CDC42BPA: variants seen among roughly 807,000 people sequenced by gnomAD.
CDC42BPA encodes the protein CDC42 binding protein kinase alpha, also known as serine/threonine-protein kinase MRCK alpha.
Under a neutral mutation model 223.5 loss-of-function variants are expected in CDC42BPA, and 80 were observed. The ratio of observed to expected loss-of-function variants is 0.36; its 90% CI spans 0.30 to 0.43. The LOEUF is 0.43. Ranked by LOEUF, CDC42BPA falls within the 20% of genes least tolerant of loss-of-function variation. The probability of loss-of-function intolerance (pLI) is 1.00; values close to 1 mark genes in which losing one functional copy is unlikely to be tolerated. For missense variants in CDC42BPA, 1,743 were observed against 2,099.9 expected, an observed-to-expected ratio of 0.83 and a Z score of 3.32; for synonymous variants, 694 against 718.6, an observed-to-expected ratio of 0.97 and a Z score of 0.55.
chr1:227,310,202 T>A (rs985970197), intron 1 of CDC42BPA, among the ~76,000 whole-genome samples: 4 of 152,212 alleles, frequency 2.6e-5, no homozygotes, highest in Non-Finnish European at 5.9e-5. Context: ...CAGATAAACT[T>A]CATAAATTCT....
chr1:227,218,468 T>C (rs1572433481), intron 2 of CDC42BPA, among the ~76,000 whole-genome samples: 1 of 152,216 alleles, frequency 6.6e-6, no homozygotes, highest in East Asian at 1.9e-4. Context: ...GGGCTAAGCA[T>C]ATTACATATA....
At chr1:227,103,306 C>G (rs2149328334) in intron 14 of CDC42BPA, among the ~76,000 whole-genome samples, 1 of 152,022 alleles carries the variant, frequency 6.6e-6, no homozygotes, top group African/African-American at 2.4e-5. Flanking sequence ...AAACACAAAT[C>G]AATACTTCCA....
chr1:227,059,364 G>A (rs1219564789), intron 21 of CDC42BPA: 1 of 1,560,908 alleles, frequency 6.4e-7, no homozygotes, highest in East Asian at 2.4e-5. Context: ...AAGTGCAAAA[G>A]TCTCTTACAC....
intron 2 of CDC42BPA, among the ~76,000 whole-genome samples, chr1:227,218,632 G>A (rs1397795394): frequency 6.6e-6 from 1 of 152,140 alleles, no homozygotes; most frequent in Non-Finnish European, 1.5e-5. Flanking sequence ...TGTCTGATAA[G>A]AGAGCTAGTA....
chr1:227,046,780 T>G (rs1266702143), intron 23 of CDC42BPA, among the ~76,000 whole-genome samples: 1 of 152,148 alleles, frequency 6.6e-6, no homozygotes, highest in Non-Finnish European at 1.5e-5. Flanking sequence ...TGCATGTTCT[T>G]AATAGTTTTC....
intron 2 of CDC42BPA, among the ~76,000 whole-genome samples, chr1:227,243,151 AAC>A (rs2148133343): frequency 6.6e-6 from 1 of 152,316 alleles, no homozygotes; most frequent in Admixed American, 6.5e-5. Flanking sequence ...AGAAGGGAAC[AAC>A]ACACACTGGG....
At chr1:227,277,128 T>G (rs1286649319) in intron 1 of CDC42BPA, among the ~76,000 whole-genome samples, 2 of 146,684 alleles carry the variant, frequency 1.4e-5, no homozygotes, top group African/African-American at 2.5e-5. Context: ...TTATGGACAT[T>G]AAGAGAGTAA....
chr1:227,018,513 T>A (rs904295072), intron 32 of CDC42BPA, among the ~76,000 whole-genome samples: 1 of 152,154 alleles, frequency 6.6e-6, no homozygotes, highest in Non-Finnish European at 1.5e-5. Flanking sequence ...AGTAGAAAGA[T>A]GAAAAAGCAT....
chr1:227,187,971 G>C (rs1003576147), intron 5 of CDC42BPA, among the ~76,000 whole-genome samples: 2 of 151,816 alleles, frequency 1.3e-5, no homozygotes, highest in Non-Finnish European at 2.9e-5. Flanking sequence ...AAAAACTGAG[G>C]GGATTTGTTG....
At chr1:227,003,276 A>T (rs1194135674) in intron 35 of CDC42BPA, among the ~76,000 whole-genome samples, 1 of 152,208 alleles carries the variant, frequency 6.6e-6, no homozygotes, top group African/African-American at 2.4e-5. Context: ...ACTTTCTCTT[A>T]AAGTTCATTT....
rs192774731 is a variant in CDC42BPA at position 227,172,780 on chromosome 1, C to A, written c.600-12144G>T. The stretch of plus-strand genomic sequence containing the variant: ...GTTTTCTAAGCTAAAAAAAAATCAT[C>A]TTGAGCAAATTTATAGAATTATTTT... On this transcript the variant is annotated intron_variant, in intron 5 of 36. Coordinates refer to ENST00000366766, the MANE Select transcript of CDC42BPA (RefSeq NM_001394014.1). 4.6e-5 allele frequency among the ~76,000 whole-genome samples: 7 copies of A among 152,232 alleles called. No homozygotes were observed. In the East Asian group the frequency reaches 1.4e-3, roughly 29 times the overall value.
intron 3 of CDC42BPA, among the ~76,000 whole-genome samples, chr1:227,209,009 G>C (rs1029791389): frequency 6.6e-6 from 1 of 151,824 alleles, no homozygotes; most frequent in African/African-American, 2.4e-5. Context: ...TCTTCCATTT[G>C]TTTGTATACT....
At chr1:227,045,771 T>C (rs1361199579) in intron 23 of CDC42BPA, among the ~76,000 whole-genome samples, 1 of 152,204 alleles carries the variant, frequency 6.6e-6, no homozygotes, top group Non-Finnish European at 1.5e-5. Context: ...TTTCTGCTTT[T>C]TGCATTGTCC....
chr1:227,019,011 C>T (rs1404333731), intron 32 of CDC42BPA, among the ~76,000 whole-genome samples: 3 of 152,084 alleles, frequency 2.0e-5, no homozygotes, highest in Non-Finnish European at 2.9e-5. Flanking sequence ...TAAAGTGAGA[C>T]ATCAATAAAG....
chr1:227,176,370 A>C (rs759783730), intron 5 of CDC42BPA, among the ~76,000 whole-genome samples: 23 of 152,318 alleles, frequency 1.5e-4, no homozygotes, highest in Non-Finnish European at 2.9e-4. Context: ...ATAAGGGATA[A>C]AATTAGAATA....
intron 3 of CDC42BPA, among the ~76,000 whole-genome samples, chr1:227,208,664 G>A (rs1192317085): frequency 6.7e-6 from 1 of 148,908 alleles, no homozygotes; most frequent in Non-Finnish European, 1.5e-5. Context: ...TCAGATAGTT[G>A]TAGATATGTG....
chr1:227,059,522 A>G (rs1675358747), intron 21 of CDC42BPA: 2 of 959,330 alleles, frequency 2.1e-6, no homozygotes, highest in Admixed American at 4.3e-5. Context: ...ATATAAAGCC[A>G]CAGTTTTGGA....
At chr1:227,310,261 C>T (rs1197957122) in intron 1 of CDC42BPA, among the ~76,000 whole-genome samples, 1 of 152,182 alleles carries the variant, frequency 6.6e-6, no homozygotes, top group Non-Finnish European at 1.5e-5. Context: ...AAAATCTTTT[C>T]CCAAACTGAT....
At chr1:227,168,150 C>G (rs1665381433) in intron 5 of CDC42BPA, among the ~76,000 whole-genome samples, 1 of 152,142 alleles carries the variant, frequency 6.6e-6, no homozygotes, top group African/African-American at 2.4e-5. Flanking sequence ...GTCTCAAACT[C>G]CTAACCTCAA....
Sources: gnomAD v4.1 joint callset for allele counts (sites outside exome capture counted in the v4.1 genomes callset) on GRCh38, gnomAD v4.1.1 for gene constraint, MANE v1.5 for transcripts, NCBI Gene and HGNC (gene_info 2026-07-23, HGNC 2026-07-21) for gene names.